Variants in CHAF1A observed in about 807,000 individuals in gnomAD.
CHAF1A encodes the protein chromatin assembly factor 1 subunit A.
Under a neutral mutation model 93.2 loss-of-function variants are expected in CHAF1A, and 5 were observed. That is an observed-to-expected ratio of 0.05 (90% CI 0.03 to 0.11). The LOEUF (loss-of-function observed/expected upper bound fraction) is 0.11. Ranked by LOEUF, CHAF1A falls within the 10% of genes least tolerant of loss-of-function variation. The pLI, the probability that CHAF1A is intolerant of heterozygous loss-of-function variation, is 1.00. For synonymous variants in CHAF1A, 504 were observed against 510.3 expected (o/e 0.99, Z 0.17); for missense variants, 1,102 against 1,259.9 (o/e 0.87, Z 1.90).
downstream of CHAF1A, chr19:4,448,680 A>G: frequency 1.9e-6 from 1 of 513,512 alleles, no homozygotes; most frequent in East Asian, 3.4e-5. Context: ...GGGACTTGGA[A>G]GCCAGTGTGA....
At chr19:4,439,488 G>C (rs1974347540) in intron 13 of CHAF1A, among the ~76,000 whole-genome samples, 1 of 152,168 alleles carries the variant, frequency 6.6e-6, no homozygotes, top group African/African-American at 2.4e-5. Context: ...TCGGTGTTAT[G>C]TGTTAAATCC....
chr19:4,432,166 A>G lies in CHAF1A; in HGVS notation c.2162A>G (p.Gln721Arg). The change falls in exon 12 of 15, where the codon CAG becomes CGG. Residue 721 changes from glutamine to arginine, a missense_variant. Physicochemically the swap from Gln to Arg is conservative, Grantham distance 43 (BLOSUM62 1). Coordinates refer to ENST00000301280, the MANE Select transcript of CHAF1A (RefSeq NM_005483.3). ...GAGACCCTGCCGGCCCAGGAGGAGC[A>G]GACGCCCAAGGCCTCCAAGCGGGAG... ...FLETLPAQEE[Q>R]TPKASKRERR... is the part of the protein sequence containing the mutation. 1 of 1,612,028 alleles carries G rather than the reference A, an allele frequency of 6.2e-7. No homozygotes were observed. Among genetic ancestry groups the G allele is most frequent in the Non-Finnish European group, 8.5e-7 (1 of 1,179,546 alleles).
chr19:4,444,337 C>CA (rs1254585015), downstream of CHAF1A, among the ~76,000 whole-genome samples: 3 of 152,074 alleles, frequency 2.0e-5, no homozygotes, highest in Non-Finnish European at 4.4e-5. Flanking sequence ...CACTGCAGGG[C>CA]AGAGTCCCTG....
chr19:4,415,729 C>A (rs886738347), intron 3 of CHAF1A, among the ~76,000 whole-genome samples: 3 of 152,136 alleles, frequency 2.0e-5, no homozygotes, highest in Non-Finnish European at 4.4e-5. Context: ...CACGGGCAGC[C>A]TTCTCACAAC....
intron 7 of CHAF1A, among the ~76,000 whole-genome samples, chr19:4,428,374 T>G (rs1974122126): frequency 6.6e-6 from 1 of 151,940 alleles, no homozygotes; most frequent in Non-Finnish European, 1.5e-5. Flanking sequence ...ACATTTGTGT[T>G]GACAAATGAC....
Position 4,422,022 on chromosome 19 carries a change from T to A in CHAF1A, c.1018-544T>A, listed in dbSNP as rs1973998754. Among the ~76,000 whole-genome samples, 1 of 151,558 alleles carries A rather than the reference T, an allele frequency of 6.6e-6. No homozygotes were observed. Among genetic ancestry groups the A allele is most frequent in the Non-Finnish European group, 1.5e-5 (1 of 67,856 alleles). Reference sequence around the variant, plus strand: ...ACGCCTGGCTAATTTTTTTTTTTTTTTTTATTAAATGGAGTCTCACTCTGT... The same window carrying A: ...ACGCCTGGCTAATTTTTTTTTTTTTATTTATTAAATGGAGTCTCACTCTGT... On this transcript the variant is annotated intron_variant, in intron 4 of 14. Coordinates refer to ENST00000301280, the MANE Select transcript of CHAF1A (RefSeq NM_005483.3). The surrounding 1 kb of genome is among the most constrained non-coding windows in gnomAD (Gnocchi z 4.6).
downstream of CHAF1A, chr19:4,446,221 G>A (rs375328388): frequency 1.6e-5 from 25 of 1,585,764 alleles, no homozygotes; most frequent in South Asian, 6.8e-5. Flanking sequence ...GAGTCAGAGC[G>A]GGTGGGGCCC....
downstream of CHAF1A, chr19:4,446,450 G>A: frequency 6.3e-7 from 1 of 1,581,812 alleles, no homozygotes; most frequent in Non-Finnish European, 8.6e-7. Context: ...GCTGGCCGGG[G>A]TTCTTCCACC....
rs1974190204 is a variant in CHAF1A, at chr19:4,431,938, T to G, written c.1948-14T>G. ...CAAGAACCCCAAATAAACTTCTGCT[T>G]TCTAAACCACAAGGAGTGTGCCGAC... is the stretch of plus-strand genomic sequence containing the variant. On this transcript the variant is annotated splice_polypyrimidine_tract_variant and intron_variant, in intron 11 of 14. Coordinates refer to ENST00000301280, the MANE Select transcript of CHAF1A (RefSeq NM_005483.3). 1 of 1,588,642 alleles carries G rather than the reference T, an allele frequency of 6.3e-7. No individual in the cohort carries two copies. The highest frequency in any genetic ancestry group is 8.6e-7 in the Non-Finnish European group (1 of 1,162,708).
intron 3 of CHAF1A, 45 bp downstream of exon 3, chr19:4,409,804 C>T (rs1245015512): frequency 5.2e-6 from 8 of 1,549,636 alleles, no homozygotes; most frequent in Non-Finnish European, 6.1e-6. Context: ...GCTCACGGAT[C>T]TCAGAGCGCT....
At chr19:4,430,476 C>A in intron 10 of CHAF1A, 73 bp from the exon 11 acceptor site, 1 of 1,021,224 alleles carries the variant, frequency 9.8e-7, no homozygotes, top group Non-Finnish European at 1.5e-6. Flanking sequence ...CTGCGCCTGG[C>A]CTACTTTGTT....
rs1568438684 is a variant in CHAF1A, at chr19:4,429,806, C to T, written c.1854+18C>T. ...GTGAGGGGGTAAGGATGTGCCCCAG[C>T]TGTCTTCACTCACAGACGGCTTGTG... On this transcript the variant is annotated intron_variant, in intron 10 of 14. Coordinates refer to ENST00000301280, the MANE Select transcript of CHAF1A (RefSeq NM_005483.3). 6.2e-7 allele frequency: 1 copy of T among 1,601,796 alleles called. No homozygotes were observed.
Position 4,409,317 on chromosome 19 carries a change from G to C in CHAF1A, c.518G>C (p.Gly173Ala). ...AIQNDKLAFP[G>A]ETLSDIPCKT... Reference sequence around the variant, plus strand: ...CAGAACGACAAGTTGGCATTTCCTGGAGAGACCCTTTCAGACATTCCTTGC... The same window carrying C: ...CAGAACGACAAGTTGGCATTTCCTGCAGAGACCCTTTCAGACATTCCTTGC... Residue 173 changes from glycine (G) to alanine (A), a missense_variant, in exon 3 of 15, where the codon GGA (glycine) becomes GCA (alanine). Coordinates refer to ENST00000301280, the MANE Select transcript of CHAF1A (RefSeq NM_005483.3). The C allele has an allele frequency of 1.2e-6, 2 of 1,614,150 alleles. No homozygotes were observed. Among genetic ancestry groups the C allele is most frequent in the Non-Finnish European group, 1.7e-6 (2 of 1,180,024 alleles).
In CHAF1A at chr19:4,423,891, C is replaced by T. The variant is rs201014521; in HGVS notation, c.1377+17C>T. ...GCCCCCAAGGTGAGCAGCCGGCTGC[C>T]TTTGCTTTTGGGTTTCAGCTCTGCT... On this transcript the variant is annotated intron_variant, in intron 7 of 14. Transcript: ENST00000301280. The T allele has an allele frequency of 4.4e-5, 71 of 1,612,984 alleles. No homozygotes were observed. The highest frequency in any genetic ancestry group is 5.9e-5 in the Non-Finnish European group (69 of 1,179,150).
chr19:4,423,255 A>G lies in CHAF1A; in HGVS notation c.1248-80A>G, dbSNP rs543529926. The G allele has an allele frequency of 3.3e-5, 52 of 1,585,794 alleles. No homozygotes were observed. The Admixed American group carries it at 6.7e-4, about 20-fold the overall frequency. ...TTTAATGTAAAATGAAATACTTGCC[A>G]TATACTAACAGTTGAGTGCTGCGGT... On this transcript the variant is annotated intron_variant, in intron 5 of 14. Coordinates refer to ENST00000301280, the MANE Select transcript of CHAF1A (RefSeq NM_005483.3).
downstream of CHAF1A, chr19:4,445,446 CAG>C: frequency 6.2e-7 from 1 of 1,609,548 alleles, no homozygotes; most frequent in Non-Finnish European, 8.5e-7. Flanking sequence ...GGGAGAGGAA[CAG>C]GGAGAGCATG....
intron 13 of CHAF1A, among the ~76,000 whole-genome samples, chr19:4,441,558 A>C (rs1272293212): frequency 1.3e-5 from 2 of 151,990 alleles, no homozygotes; most frequent in Admixed American, 6.6e-5. Flanking sequence ...CAGTGAGCTG[A>C]GATTGTGCCA....
chr19:4,423,414 A>C lies in CHAF1A; in HGVS notation c.1308+19A>C. ...AGAGAAGGTAGAGTGTTTCCCACAG[A>C]GCTTCCCCGTCCCAGCCCGTTGGAG... On this transcript the variant is annotated intron_variant, in intron 6 of 14. Coordinates refer to ENST00000301280, the MANE Select transcript of CHAF1A (RefSeq NM_005483.3). 6.2e-7 allele frequency: 1 copy of C among 1,613,862 alleles called. No individual in the cohort carries two copies. The highest frequency in any genetic ancestry group is 1.1e-5 in the South Asian group (1 of 91,010).
rs139107905 is a variant in CHAF1A at position 4,419,975 on chromosome 19, G to A, written c.1017+1899G>A. On this transcript the variant is annotated intron_variant, in intron 4 of 14. Transcript: ENST00000301280. Reference sequence around the variant, plus strand: ...CAGTCCAGACGGTCACCTTCCTCGTGTGTCTCGTATATCAGATGCAGTCAC... The same window carrying A: ...CAGTCCAGACGGTCACCTTCCTCGTATGTCTCGTATATCAGATGCAGTCAC... Among the ~76,000 whole-genome samples, 54 of 152,236 alleles carry A rather than the reference G, an allele frequency of 3.5e-4. 1 individual carries two copies. Among genetic ancestry groups the A allele is most frequent in the African/African-American group, 1.2e-3 (49 of 41,544 alleles).
Sources: allele counts gnomAD v4.1 joint callset (sites outside exome capture counted in the v4.1 genomes callset), GRCh38; gene constraint gnomAD v4.1.1; non-coding constraint Gnocchi (gnomAD v3.1); transcripts MANE v1.5; gene names NCBI Gene and HGNC (gene_info 2026-07-23, HGNC 2026-07-21).